TTLL8: variants seen among roughly 807,000 people sequenced by gnomAD.
TTLL8 encodes tubulin tyrosine ligase like 8, also known as protein monoglycylase TTLL8.
TTLL8 carries 65 observed loss-of-function variants against 77.8 expected under a neutral mutation model. The observed-to-expected ratio is 0.84, with a 90% CI of 0.68 to 1.03. The LOEUF is 1.03. TTLL8 is among the 50% of genes least tolerant of loss of function. The pLI is 0.00. For synonymous variants in TTLL8, 402 were observed against 422.8 expected (o/e 0.95, Z 0.60); for missense variants, 910 against 1,004.5 (o/e 0.91, Z 1.27).
Position 50,034,368 on chromosome 22 carries a change from G to GA in TTLL8, c.1015dup (p.Ser339PhefsTer6). Reference sequence around the variant, plus strand: ...ACCAGGGGACTCACCTCGGCCCCGGGACTTGGCCGCGGGCTTTATAATCCA... The same window carrying GA: ...ACCAGGGGACTCACCTCGGCCCCGGGAACTTGGCCGCGGGCTTTATAATCCA... On this transcript the variant is annotated frameshift_variant, in exon 9 of 14. Coordinates refer to ENST00000266182, the Ensembl canonical transcript of TTLL8. LOFTEE classifies it high-confidence loss of function. The surrounding 1 kb of genome is among the most constrained non-coding windows in gnomAD (Gnocchi z 4.1). 1.2e-5 allele frequency: 17 copies of GA among 1,366,646 alleles called. No individual in the cohort carries two copies. The highest frequency in any genetic ancestry group is 1.7e-5 in the Non-Finnish European group (17 of 1,021,806). The allele number at this position is 1,366,646 out of a possible 1,614,324, so 84.7% of individuals were successfully genotyped here.
chr22:50,029,344 C>T (rs915507538), intron 12 of TTLL8, among the ~76,000 whole-genome samples: 7 of 128,514 alleles, frequency 5.4e-5, no homozygotes, highest in Non-Finnish European at 9.9e-5. Flanking sequence ...GTAAAGACCC[C>T]ATCACACCGT....
At chr22:50,049,756 G>A (rs116551533) in intron 2 of TTLL8, among the ~76,000 whole-genome samples, 3,987 of 152,290 alleles carry the variant, frequency 0.026, 193 homozygotes, top group African/African-American at 0.092. Context: ...TCAGCGAGGA[G>A]CAGCCAGCAC....
chr22:50,022,226 G>T (rs953854171), intron 12 of TTLL8, among the ~76,000 whole-genome samples: 1 of 145,750 alleles, frequency 6.9e-6, no homozygotes, highest in Non-Finnish European at 1.5e-5. Context: ...CATCTGACAT[G>T]CACTCCTCCT....
intron 12 of TTLL8, among the ~76,000 whole-genome samples, chr22:50,022,654 C>CATGCACTCCTCCTTCT (rs2061211735): frequency 6.6e-6 from 1 of 152,162 alleles, no homozygotes; most frequent in Admixed American, 6.5e-5. Context: ...CTCCATCTGA[C>CATGCACTCCTCCTTCT]GATGTGTTTT....
intron 11 of TTLL8, 121 bp from the exon 13 acceptor site, chr22:50,031,046 AC>A: frequency 8.8e-6 from 8 of 910,212 alleles, no homozygotes; most frequent in Non-Finnish European, 1.2e-5. Flanking sequence ...TCAGGAGTGA[AC>A]AGTGAACACC....
intron 12 of TTLL8, among the ~76,000 whole-genome samples, chr22:50,025,883 C>T (rs559571828): frequency 6.6e-6 from 1 of 152,270 alleles, no homozygotes; most frequent in South Asian, 2.1e-4. Flanking sequence ...CCTGACAATA[C>T]CCAGTGTTGA....
In TTLL8 at chr22:50,041,750, G is replaced by A. The variant is rs375025706; in HGVS notation, c.701C>T (p.Ala234Val). Residue 234 changes from alanine (A) to valine (V), a missense_variant, in exon 7 of 14, where the codon GCG becomes GTG. Transcript: ENST00000266182. This position sits in a 1 kb window ranked among gnomAD's most constrained non-coding sequence, Gnocchi z 4.3. Reference sequence around the variant, plus strand: ...CAGGTAGGCCTGGCACACCTTGCACGCGATGTCCACAAGCTGCCCCGGGAG... The same window carrying A: ...CAGGTAGGCCTGGCACACCTTGCACACGATGTCCACAAGCTGCCCCGGGAG... The A allele has an allele frequency of 3.8e-5, 52 of 1,365,146 alleles. No homozygotes were observed. In the African/African-American group the frequency reaches 4.4e-4, roughly 12 times the overall value. The allele number at this position is 1,365,146 out of a possible 1,614,324, so 84.6% of individuals were successfully genotyped here. A position where few individuals can be genotyped will look rare whatever the true frequency, so the allele number is the denominator to read the frequency against.
At chr22:50,033,241 C>A (rs765915957) in exon 10 of TTLL8, 3 of 1,357,838 alleles carry the variant, frequency 2.2e-6, no homozygotes, top group Admixed American at 3.9e-5. Flanking sequence ...AGTTGAGAAC[C>A]GCAAGTAACT....
chr22:50,057,458 GTTGGGGGAT>G (rs2061483085), upstream of TTLL8, among the ~76,000 whole-genome samples: 1 of 119,760 alleles, frequency 8.4e-6, no homozygotes. Context: ...TCAGGTCTGG[GTTGGGGGAT>G]CAGGTCTGGA....
At chr22:50,031,956 G>C in exon 11 of TTLL8, 1 of 1,366,864 alleles carries the variant, frequency 7.3e-7, no homozygotes. Flanking sequence ...TGGACGGGTA[G>C]ATGACGCTGC....
chr22:50,032,252 C>A, intron 10 of TTLL8, 143 bp from the exon 12 acceptor site: 1 of 847,410 alleles, frequency 1.2e-6, no homozygotes, highest in East Asian at 5.5e-5. Flanking sequence ...GCTGGAGGGG[C>A]CCAGCTGGGA....
intron 9 of TTLL8, 107 bp from the exon 11 acceptor site, chr22:50,033,552 G>T: frequency 9.6e-7 from 1 of 1,044,468 alleles, no homozygotes; most frequent in Non-Finnish European, 1.3e-6. Flanking sequence ...ACCTGCACTG[G>T]CTTTGTCCAA....
At chr22:50,055,197 G>C, upstream of TTLL8, 1 of 1,277,960 alleles carries the variant, frequency 7.8e-7, no homozygotes. Context: ...TTTTAAAAAA[G>C]TGTCCCCCTC....
chr22:50,024,007 G>A (rs1268545162), intron 12 of TTLL8, among the ~76,000 whole-genome samples: 1 of 152,190 alleles, frequency 6.6e-6, no homozygotes, highest in Non-Finnish European at 1.5e-5. Context: ...GCAACTGTGC[G>A]AGACTCTGTC....
At chr22:50,025,071 C>T (rs1215333218) in intron 12 of TTLL8, among the ~76,000 whole-genome samples, 1 of 152,152 alleles carries the variant, frequency 6.6e-6, no homozygotes, top group Non-Finnish European at 1.5e-5. Context: ...CAAGACGCAT[C>T]ATTGACCAAA....
At chr22:50,050,087 A>T (rs1328859133) in intron 2 of TTLL8, 22 bp downstream of exon 4, 2 of 1,364,430 alleles carry the variant, frequency 1.5e-6, no homozygotes, top group African/African-American at 3.0e-5. Context: ...CTGAGCTGAG[A>T]CGTGCGCCTC....
At chr22:50,022,160 CGTGCACTCCTCCATCTGATGAT>C (rs1196516355) in intron 12 of TTLL8, among the ~76,000 whole-genome samples, 6 of 129,598 alleles carry the variant, frequency 4.6e-5, no homozygotes, top group Non-Finnish European at 9.9e-5. Context: ...CATCTGATGA[CGTGCACTCCTCCATCTGATGAT>C]GTGCACTCCT....
chr22:50,045,666 A>G (rs956752721), intron 5 of TTLL8, 190 bp downstream of exon 7: 9 of 740,110 alleles, frequency 1.2e-5, no homozygotes, highest in Non-Finnish European at 1.3e-5. Flanking sequence ...AGAACCACAC[A>G]CTCCTTGACT....
At chr22:50,036,040 G>A (rs1490905173) in intron 8 of TTLL8, among the ~76,000 whole-genome samples, 1 of 152,244 alleles carries the variant, frequency 6.6e-6, no homozygotes, top group Non-Finnish European at 1.5e-5. Flanking sequence ...CAGGAACCAT[G>A]AGATGCACAT....
Sources: allele counts gnomAD v4.1 joint callset (sites outside exome capture counted in the v4.1 genomes callset), GRCh38; gene constraint gnomAD v4.1.1; non-coding constraint Gnocchi (gnomAD v3.1); transcripts MANE v1.5; gene names NCBI Gene and HGNC (gene_info 2026-07-23, HGNC 2026-07-21).